Variants in RECK observed in about 807,000 individuals in gnomAD.
The protein encoded by RECK is reversion-inducing cysteine-rich protein with Kazal motifs.
A neutral mutation model predicts 115.1 loss-of-function variants in RECK; 69 were observed. The observed-to-expected ratio is 0.60, with a 90% CI of 0.49 to 0.73. The LOEUF is 0.73. RECK is among the 30% of genes least tolerant of loss of function. The pLI, the probability that RECK is intolerant of heterozygous loss-of-function variation, is 0.00. For missense variants in RECK, 1,047 were observed against 1,203.7 expected (o/e 0.87, Z 1.93); for synonymous variants, 414 against 419.7 (o/e 0.99, Z 0.17).
At chr9:36,039,034 G>C (rs1588255930) in intron 1 of RECK, among the ~76,000 whole-genome samples, 1 of 152,134 alleles carries the variant, frequency 6.6e-6, no homozygotes, top group Non-Finnish European at 1.5e-5. Context: ...AAAGAAACTT[G>C]TTTGCTCATA....
chr9:36,073,791 T>C (rs1822338544), intron 6 of RECK, among the ~76,000 whole-genome samples: 1 of 152,176 alleles, frequency 6.6e-6, no homozygotes, highest in Non-Finnish European at 1.5e-5. Context: ...TGTTGTTTTA[T>C]TTGTTAGTTG....
intron 11 of RECK, among the ~76,000 whole-genome samples, chr9:36,101,775 G>T (rs541542855): frequency 6.6e-6 from 1 of 152,192 alleles, no homozygotes; most frequent in African/African-American, 2.4e-5. Context: ...TAGAAGTGAG[G>T]ATATATGATT....
intron 6 of RECK, among the ~76,000 whole-genome samples, chr9:36,069,273 C>T (rs1478814438): frequency 6.6e-6 from 1 of 152,026 alleles, no homozygotes; most frequent in Non-Finnish European, 1.5e-5. Context: ...GGTGCGGTGG[C>T]TCACACCTGT....
intron 16 of RECK, among the ~76,000 whole-genome samples, chr9:36,116,528 C>T (rs1824274396): frequency 6.6e-6 from 1 of 152,256 alleles, no homozygotes; most frequent in African/African-American, 2.4e-5. Flanking sequence ...GCCTCAGGCT[C>T]CAGCCTATCT....
At chr9:36,077,576 TAA>T (rs920945338) in intron 6 of RECK, among the ~76,000 whole-genome samples, 2 of 151,842 alleles carry the variant, frequency 1.3e-5, no homozygotes, top group African/African-American at 4.9e-5. Context: ...TTAAAATGGG[TAA>T]AGAGGCAAGA....
At chr9:36,045,619 C>G (rs1043181539) in intron 1 of RECK, among the ~76,000 whole-genome samples, 1 of 140,728 alleles carries the variant, frequency 7.1e-6, no homozygotes, top group Non-Finnish European at 1.5e-5. Context: ...TTTTAGGAAA[C>G]AAGAATTGCT....
chr9:36,105,109 G>C, intron 12 of RECK, 34 bp from the exon 13 acceptor site: 3 of 1,586,958 alleles, frequency 1.9e-6, no homozygotes, highest in Non-Finnish European at 2.6e-6. Context: ...TACTCTTTTA[G>C]GTTGGTTAAA....
At chr9:36,057,883 C>A (rs1036661470) in intron 2 of RECK, among the ~76,000 whole-genome samples, 12 of 151,754 alleles carry the variant, frequency 7.9e-5, no homozygotes, top group Middle Eastern at 3.2e-3. Flanking sequence ...ATTTATGCAG[C>A]CAAAAAACAC....
At chr9:36,077,326 G>C (rs1429724882) in intron 6 of RECK, among the ~76,000 whole-genome samples, 1 of 152,112 alleles carries the variant, frequency 6.6e-6, no homozygotes, top group African/African-American at 2.4e-5. Context: ...TTCAAGACAG[G>C]CTGACGTAAG....
At chr9:36,074,197 C>T (rs1035128660) in intron 6 of RECK, among the ~76,000 whole-genome samples, 1 of 152,176 alleles carries the variant, frequency 6.6e-6, no homozygotes, top group African/African-American at 2.4e-5. Flanking sequence ...CCTTTGCATG[C>T]TTTATTATAG....
Position 36,065,539 on chromosome 9 carries a change from T to C in RECK, c.358-38T>C, listed in dbSNP as rs1308159092. The C allele has an allele frequency of 9.2e-6, 14 of 1,524,894 alleles. No homozygotes were observed. In the Admixed American group the frequency reaches 2.7e-4, roughly 29 times the overall value. 94.5% of individuals were successfully genotyped at this position (1,524,894 alleles called of 1,614,324 possible). A position where few individuals can be genotyped will look rare whatever the true frequency, so the allele number is the denominator to read the frequency against. On this transcript the variant is annotated intron_variant, in intron 5 of 20. Coordinates refer to ENST00000377966, the MANE Select transcript of RECK (RefSeq NM_021111.3). ...TCTTTTTGCCCTGTGCTGAATAGCA[T>C]GTATAATAAATTAATGGAGAAATTT...
intron 10 of RECK, among the ~76,000 whole-genome samples, chr9:36,099,449 A>G (rs540928451): frequency 3.3e-5 from 5 of 152,336 alleles, no homozygotes; most frequent in East Asian, 3.9e-4. Flanking sequence ...TTTCATAAAA[A>G]TACTTATATT....
In RECK at chr9:36,120,691, G is replaced by T. The variant is rs778225675; in HGVS notation, c.2493G>T (p.Met831Ile). The T allele has an allele frequency of 6.2e-7, 1 of 1,613,544 alleles. No homozygotes were observed. Among genetic ancestry groups the T allele is most frequent in the Non-Finnish European group, 8.5e-7 (1 of 1,179,472 alleles). Reference protein sequence around the residue: ...PGACCPLCAGMLRVLFDKEKL... With the variant: ...PGACCPLCAGILRVLFDKEKL... ...CTTGTTGCCCATTATGTGCTGGGAT[G>T]TTAAGAGTTTTATTTGACAAAGAAA... The change falls in exon 19 of 21, where the codon ATG becomes ATT. Residue 831 changes from methionine (M) to isoleucine (I), a missense_variant. Coordinates refer to ENST00000377966, the MANE Select transcript of RECK (RefSeq NM_021111.3).
Position 36,112,218 on chromosome 9 carries a change from G to C in RECK, c.1889-87G>C, listed in dbSNP as rs961740175. On this transcript the variant is annotated intron_variant, in intron 15 of 20. Transcript: ENST00000377966. ...CTATTTTAACGTGAGACCTTCACAT[G>C]ATTGCTCATGGTTTGCCTTAACAAG... 8.8e-6 allele frequency: 11 copies of C among 1,246,778 alleles called. No homozygotes were observed. In the African/African-American group the frequency reaches 1.6e-4, roughly 19 times the overall value. 77.2% of individuals were successfully genotyped at this position (1,246,778 alleles called of 1,614,324 possible). A position where few individuals can be genotyped will look rare whatever the true frequency, so the allele number is the denominator to read the frequency against.
chr9:36,067,735 A>T (rs1164830319), intron 6 of RECK, among the ~76,000 whole-genome samples: 1 of 152,192 alleles, frequency 6.6e-6, no homozygotes, highest in East Asian at 1.9e-4. Flanking sequence ...AACTTTTAGC[A>T]TAACTCCAAA....
chr9:36,123,173 G>T lies in RECK; in HGVS notation c.*128G>T. The T allele has an allele frequency of 6.2e-6, 4 of 646,434 alleles. No homozygotes were observed. The highest frequency in any genetic ancestry group is 3.5e-5 in the Admixed American group (1 of 28,888). The allele number at this position is 646,434 out of a possible 1,614,324, so 40.0% of individuals were successfully genotyped here. On this transcript the variant is annotated 3_prime_UTR_variant, in exon 21 of 21. Transcript: ENST00000377966. The stretch of plus-strand genomic sequence containing the variant: ...ACATGTCACCTCTATTCGCCACACA[G>T]TATTTTTTTTTTTAATCCGCCAATA...
intron 8 of RECK, among the ~76,000 whole-genome samples, chr9:36,084,149 A>G (rs1822845539): frequency 6.6e-6 from 1 of 152,036 alleles, no homozygotes; most frequent in South Asian, 2.1e-4. Context: ...TAATCCCAGC[A>G]CTTTGAGAAG....
chr9:36,037,214 C>A (rs1030371706), intron 1 of RECK, 116 bp downstream of exon 1: 4 of 604,586 alleles, frequency 6.6e-6, no homozygotes, highest in Non-Finnish European at 7.1e-6. Context: ...TGCCCACGTC[C>A]GGCGACCCCG....
chr9:36,081,832 C>CA (rs71336424), intron 7 of RECK, among the ~76,000 whole-genome samples: 56,726 of 122,720 alleles, frequency 0.46, 11,693 homozygotes, highest in Middle Eastern at 0.64. Context: ...GACTGTGTCT[C>CA]AAAAAAAAAA....
Sources: allele counts gnomAD v4.1 joint callset (sites outside exome capture counted in the v4.1 genomes callset), GRCh38; gene constraint gnomAD v4.1.1; transcripts MANE v1.5; gene names NCBI Gene and HGNC (gene_info 2026-07-23, HGNC 2026-07-21).